Variants in LSS observed in about 807,000 individuals in gnomAD.
The protein encoded by LSS is 2,3-epoxysqualene-lanosterol cyclase.
Under a neutral mutation model 110.3 loss-of-function variants are expected in LSS, and 90 were observed. The ratio of observed to expected loss-of-function variants is 0.82; its 90% CI spans 0.69 to 0.97. The LOEUF (loss-of-function observed/expected upper bound fraction) is 0.97. Ranked by LOEUF, LSS falls within the 50% of genes least tolerant of loss-of-function variation. The probability of loss-of-function intolerance (pLI) is 0.00; values close to 1 mark genes in which losing one functional copy is unlikely to be tolerated. For synonymous variants in LSS, 433 were observed against 400.0 expected (o/e 1.08, Z -0.98); for missense variants, 927 against 990.0 (o/e 0.94, Z 0.85).
At position 46,228,524 on chromosome 21, in the gene LSS, C is replaced by G. The variant is rs565392079; in HGVS notation, c.90G>C (p.Glu30Asp). The change falls in exon 2 of 22, where the codon GAG becomes GAC. Residue 30 changes from glutamate (E) to aspartate (D), a missense_variant. Glu to Asp is a conservative substitution (Grantham distance 45). Coordinates refer to ENST00000397728, the MANE Select transcript of LSS (RefSeq NM_002340.6). The stretch of plus-strand genomic sequence containing the variant: ...GGTAGGTCCACGTCTGCCGGCCCCT[C>G]TCGCAGTTGAGTCGCCAGCGGCCGA... Reference protein sequence around the residue: ...TDLGRWRLNCERGRQTWTYLQ... With the variant: ...TDLGRWRLNCDRGRQTWTYLQ... 1.2e-6 allele frequency: 2 copies of G among 1,600,842 alleles called. No homozygotes were observed. Among genetic ancestry groups the G allele is most frequent in the African/African-American group, 1.3e-5 (1 of 74,984 alleles).
rs61735802 is a variant in LSS at position 46,194,614 on chromosome 21, C to A, written c.1865G>T (p.Arg622Leu). 3 of 1,613,560 alleles carry A rather than the reference C, an allele frequency of 1.9e-6. No homozygotes were observed. Among genetic ancestry groups the A allele is most frequent in the African/African-American group, 1.3e-5 (1 of 74,922 alleles). The change falls in exon 20 of 22, where the codon CGG becomes CTG. Residue 622 changes from arginine (R) to leucine (L), a missense_variant. By Grantham distance (102) the Arg-to-Leu change is moderately radical (BLOSUM62 -2). Transcript: ENST00000397728. ...VSRACDFLLS[R>L]QMADGGWGED... is the part of the protein sequence containing the mutation. ...CCCCCAGCCTCCGTCTGCCATCTGC[C>A]GGGACAGCAGGAAGTCACAGGCCCG...
At chr21:46,219,261 A>T (rs1018340865) in intron 6 of LSS, among the ~76,000 whole-genome samples, 1 of 152,134 alleles carries the variant, frequency 6.6e-6, no homozygotes, top group Non-Finnish European at 1.5e-5. Context: ...CATCCATGGC[A>T]CAGCCTTCTT....
Position 46,210,719 on chromosome 21 carries a change from T to C in LSS, c.1163A>G (p.Asp388Gly). 1 of 1,614,058 alleles carries C rather than the reference T, an allele frequency of 6.2e-7. No homozygotes were observed. The highest frequency in any genetic ancestry group is 8.5e-7 in the Non-Finnish European group (1 of 1,179,974). Residue 388 changes from aspartate to glycine, a missense_variant, in exon 12 of 22, where the codon GAC becomes GGC. Physicochemically the swap from Asp to Gly is moderately conservative, Grantham distance 94 (BLOSUM62 -1). Transcript: ENST00000397728. ...MQGTNGSQIWDTAFAIQALLE... is the reference protein window; with the variant it reads ...MQGTNGSQIWGTAFAIQALLE... ...CAGAGCCTGGATGGCGAATGCGGTG[T>C]CCCAGATCTGTGAGCCGTTGGTGCC...
chr21:46,226,432 G>A (rs2123767238), intron 3 of LSS, among the ~76,000 whole-genome samples: 1 of 152,358 alleles, frequency 6.6e-6, no homozygotes, highest in South Asian at 2.1e-4. Flanking sequence ...AAGGGAAGAA[G>A]AGCACCTTGA....
At position 46,194,280 on chromosome 21, in the gene LSS, T is replaced by G. The variant is rs7278327; in HGVS notation, c.1988+211A>C. On this transcript the variant is annotated intron_variant, in intron 20 of 21. Coordinates refer to ENST00000397728, the MANE Select transcript of LSS (RefSeq NM_002340.6). Reference sequence around the variant, plus strand: ...TTCACTTCTAAGAGGCGAGCCTCTCTGCAGGGCCCCACTTGGTCAGAGCAG... The same window carrying G: ...TTCACTTCTAAGAGGCGAGCCTCTCGGCAGGGCCCCACTTGGTCAGAGCAG... Among the ~76,000 whole-genome samples, 3,925 of 152,330 alleles carry G rather than the reference T, an allele frequency of 0.026. 160 individuals carry two copies. The highest frequency in any genetic ancestry group is 0.09 in the African/African-American group (3,724 of 41,566).
chr21:46,222,012 G>C (rs751794089), intron 4 of LSS, 37 bp from the exon 5 acceptor site: 2 of 1,604,002 alleles, frequency 1.2e-6, no homozygotes, highest in Non-Finnish European at 1.7e-6. Context: ...ACCGGTATCT[G>C]TCCTTACTTC....
At chr21:46,217,853 T>C (rs61591722) in intron 6 of LSS, among the ~76,000 whole-genome samples, 36,131 of 152,150 alleles carry the variant, frequency 0.24, 7,202 homozygotes, top group African/African-American at 0.54. Flanking sequence ...CAGCGGGCAT[T>C]TGAATGGCCC....
chr21:46,227,989 T>C (rs1407154614), intron 2 of LSS, among the ~76,000 whole-genome samples: 2 of 152,130 alleles, frequency 1.3e-5, no homozygotes, highest in East Asian at 3.9e-4. Flanking sequence ...GGTGCCGACC[T>C]GGGCCTGGGA....
chr21:46,225,461 T>TC (rs1765281982), intron 3 of LSS: 2 of 448,128 alleles, frequency 4.5e-6, no homozygotes, highest in Non-Finnish European at 8.9e-6. Flanking sequence ...AATCTCCCTT[T>TC]CCCCGGGGGA....
Position 46,208,292 on chromosome 21 carries a change from T to C in LSS, c.1276A>G (p.Asn426Asp). The C allele has an allele frequency of 6.4e-7, 1 of 1,552,676 alleles. No individual in the cohort carries two copies. The highest frequency in any genetic ancestry group is 1.2e-5 in the South Asian group (1 of 84,090). The change falls in exon 14 of 22, where the codon AAC (asparagine) becomes GAC (aspartate). Residue 426 changes from asparagine (N) to aspartate (D), a missense_variant. Transcript: ENST00000397728. ...EFLRLSQVPDNPPDYQKYYRQ... is the reference protein window; with the variant it reads ...EFLRLSQVPDDPPDYQKYYRQ... Reference sequence around the variant, plus strand: ...TAGTACTTCTGGTAGTCGGGAGGGTTATCTGGGACCTGGGCAGCATCGAGG... The same window carrying C: ...TAGTACTTCTGGTAGTCGGGAGGGTCATCTGGGACCTGGGCAGCATCGAGG...
intron 4 of LSS, 176 bp from the exon 5 acceptor site, chr21:46,222,151 C>T (rs2080287106): frequency 1.6e-6 from 1 of 640,924 alleles, no homozygotes; most frequent in Non-Finnish European, 2.7e-6. Flanking sequence ...AATTCATGCA[C>T]CTCCCATGAC....
chr21:46,225,386 C>T, intron 3 of LSS: 1 of 453,442 alleles, frequency 2.2e-6, no homozygotes, highest in South Asian at 1.6e-5. Context: ...GCGGACCCAA[C>T]CGTGGTCTAG....
intron 11 of LSS, among the ~76,000 whole-genome samples, chr21:46,212,174 G>A (rs980153505): frequency 6.6e-6 from 1 of 152,176 alleles, no homozygotes; most frequent in Admixed American, 6.5e-5. Flanking sequence ...GACAGTGTCC[G>A]GGGAGCCTCT....
At chr21:46,210,878 G>C (rs1874122589) in intron 11 of LSS, 134 bp from the exon 12 acceptor site, 1 of 790,358 alleles carries the variant, frequency 1.3e-6, no homozygotes, top group East Asian at 2.7e-5. Flanking sequence ...CTCAGGCTCT[G>C]AGCCCTGGGC....
At chr21:46,192,518 A>ATG (rs2079832199) in intron 20 of LSS, 1 of 455,098 alleles carries the variant, frequency 2.2e-6, no homozygotes, top group South Asian at 1.6e-5. Flanking sequence ...GTGCATCTGT[A>ATG]TGTATGTGTG....
At position 46,207,488 on chromosome 21, in the gene LSS, C is replaced by A; in HGVS notation, c.1407G>T (p.Glu469Asp). ...TGTGCTCGGTGACATGGGGACACTT[C>A]TCCTGCAGGAGCAGCACAGCCTTCA... The part of the protein sequence containing the change: ...EALKAVLLLQ[E>D]KCPHVTEHIP... The change falls in exon 15 of 22, where the codon GAG (glutamate) becomes GAT (aspartate). Residue 469 changes from glutamate (E) to aspartate (D), a missense_variant. Transcript: ENST00000397728. 2 of 1,612,482 alleles carry A rather than the reference C, an allele frequency of 1.2e-6. No homozygotes were observed. The highest frequency in any genetic ancestry group is 1.7e-6 in the Non-Finnish European group (2 of 1,179,548).
At position 46,190,684 on chromosome 21, in the gene LSS, C is replaced by T. The variant is rs1231299839; in HGVS notation, c.*420G>A. The stretch of plus-strand genomic sequence containing the variant: ...AGACAAAAGGTGCAGGAGAAGCCTG[C>T]CCAGGGCCGACCCCAGCCCAGAGCC... On this transcript the variant is annotated 3_prime_UTR_variant, in exon 22 of 22. Coordinates refer to ENST00000397728, the MANE Select transcript of LSS (RefSeq NM_002340.6). The surrounding 1 kb of genome is among the most constrained non-coding windows in gnomAD (Gnocchi z 4.6). The T allele has an allele frequency of 1.6e-5, 3 of 190,804 alleles. No individual in the cohort carries two copies. Among genetic ancestry groups the T allele is most frequent in the Non-Finnish European group, 3.2e-5 (3 of 92,568 alleles). The allele number at this position is 190,804 out of a possible 1,614,324, so 11.8% of individuals were successfully genotyped here. A position where few individuals can be genotyped will look rare whatever the true frequency, so the allele number is the denominator to read the frequency against.
chr21:46,207,449 C>T lies in LSS; in HGVS notation c.1446G>A (p.Arg482=). The change falls in exon 15 of 22, where the codon CGG becomes CGA. Residue 482 remains arginine (R), a synonymous_variant. Transcript: ENST00000397728. The part of the protein sequence containing the change: ...PHVTEHIPRE[R]LCDAVAVLLN... ...TTACCACAGCCACAGCATCGCAGAG[C>T]CGTTCTCTGGGGATGTGCTCGGTGA... 1 of 1,612,518 alleles carries T rather than the reference C, an allele frequency of 6.2e-7. No individual in the cohort carries two copies. The highest frequency in any genetic ancestry group is 8.5e-7 in the Non-Finnish European group (1 of 1,179,640).
chr21:46,197,699 C>T (rs556470814), intron 17 of LSS, among the ~76,000 whole-genome samples: 7 of 152,260 alleles, frequency 4.6e-5, no homozygotes, highest in African/African-American at 1.4e-4. Context: ...ACCACCCTGG[C>T]TAACATGGTG....
Sources: allele counts gnomAD v4.1 joint callset (sites outside exome capture counted in the v4.1 genomes callset), GRCh38; gene constraint gnomAD v4.1.1; non-coding constraint Gnocchi (gnomAD v3.1); transcripts MANE v1.5; gene names NCBI Gene and HGNC (gene_info 2026-07-23, HGNC 2026-07-21).